CYREN: variants seen among roughly 807,000 people sequenced by gnomAD.
CYREN encodes the protein cell cycle regulator of NHEJ.
CYREN carries 7 observed loss-of-function variants against 9.7 expected under a neutral mutation model. The observed-to-expected ratio is 0.72, with a 90% CI of 0.41 to 1.36. The LOEUF (loss-of-function observed/expected upper bound fraction) is 1.36. Among genes scored for constraint, CYREN ranks in the 40% most tolerant of loss-of-function variants. The pLI, the probability that CYREN is intolerant of heterozygous loss-of-function variation, is 0.01. For missense variants in CYREN, 215 were observed against 198.1 expected (o/e 1.09, Z -0.51); for synonymous variants, 76 against 77.9 (o/e 0.98, Z 0.13).
intron 2 of CYREN, among the ~76,000 whole-genome samples, chr7:135,146,886 T>C (rs75952361): frequency 0.05 from 7,668 of 152,294 alleles, 261 homozygotes; most frequent in Non-Finnish European, 0.08. Context: ...GAAAACTAGG[T>C]ACATGATAAC....
At chr7:135,157,697 T>C (rs1298859708) in intron 2 of CYREN, among the ~76,000 whole-genome samples, 1 of 152,250 alleles carries the variant, frequency 6.6e-6, no homozygotes, top group East Asian at 1.9e-4. Context: ...ATGTTGGTGT[T>C]GCTGGAAGCT....
intron 2 of CYREN, among the ~76,000 whole-genome samples, chr7:135,153,330 T>C (rs1829707747): frequency 6.6e-6 from 1 of 151,954 alleles, no homozygotes; most frequent in Non-Finnish European, 1.5e-5. Context: ...GTCACGCACC[T>C]GTAGTCCTAG....
chr7:135,161,408 C>T (rs1053166290), downstream of CYREN, among the ~76,000 whole-genome samples: 1 of 152,150 alleles, frequency 6.6e-6, no homozygotes, highest in African/African-American at 2.4e-5. The surrounding 1 kb of genome is among the most constrained non-coding windows in gnomAD (Gnocchi z 4.1). Context: ...ACAAAGGCAT[C>T]CCCAAGTCCC....
intron 2 of CYREN, among the ~76,000 whole-genome samples, chr7:135,144,181 C>T (rs1829501627): frequency 6.6e-6 from 1 of 152,174 alleles, no homozygotes; most frequent in Non-Finnish European, 1.5e-5. Context: ...TTTTCTCCAG[C>T]TACTTCATAG....
chr7:135,118,480 T>C (rs1248555664), intron 2 of CYREN, among the ~76,000 whole-genome samples: 1 of 152,158 alleles, frequency 6.6e-6, no homozygotes, highest in Non-Finnish European at 1.5e-5. Context: ...GAACCTGGAC[T>C]TCCACTTCCA....
chr7:135,125,954 G>A (rs1827813759), intron 2 of CYREN, among the ~76,000 whole-genome samples: 1 of 152,060 alleles, frequency 6.6e-6, no homozygotes, highest in Non-Finnish European at 1.5e-5. Flanking sequence ...ATAGGCAAAA[G>A]CTGGACACAT....
chr7:135,128,291 CAAAAAAAAAAAAA>C (rs61217008), intron 2 of CYREN, among the ~76,000 whole-genome samples: 4 of 58,070 alleles, frequency 6.9e-5, no homozygotes, highest in South Asian at 2.3e-3. Flanking sequence ...GACTCCATCT[CAAAAAAAAAAAAA>C]AAAAAAAAAA....
intron 2 of CYREN, among the ~76,000 whole-genome samples, chr7:135,148,795 G>C (rs1829604461): frequency 6.6e-6 from 1 of 152,170 alleles, no homozygotes; most frequent in South Asian, 2.1e-4. Flanking sequence ...GAGATGTTTA[G>C]ATCTTATGTT....
intron 2 of CYREN, chr7:135,101,023 C>A: frequency 2.7e-6 from 1 of 366,018 alleles, no homozygotes; most frequent in Non-Finnish European, 5.4e-6. Context: ...TATTACATTA[C>A]TCTTACATGA....
downstream of CYREN, chr7:135,164,838 C>A: frequency 6.2e-7 from 1 of 1,613,998 alleles, no homozygotes; most frequent in African/African-American, 1.3e-5. Context: ...CGGCCTGGGC[C>A]TCTTCCTCTC....
rs1378690381 is a variant in CYREN at position 135,167,440 on chromosome 7, A to T, written c.213+292T>A. On this transcript the variant is annotated intron_variant, in intron 3 of 3. Transcript: ENST00000393114. ...AAGAACACAAACAGGTAAACGCTTC[A>T]TGTCCCATCCACATACACACCAGTG... is the stretch of plus-strand genomic sequence containing the variant. The T allele has an allele frequency of 4.8e-6, 6 of 1,250,052 alleles. No homozygotes were observed. In the East Asian group the frequency reaches 2.2e-4, roughly 45 times the overall value. 77.4% of individuals were successfully genotyped at this position (1,250,052 alleles called of 1,614,324 possible).
At chr7:135,168,058 G>A (rs1562931774) in intron 2 of CYREN, 3 of 557,676 alleles carry the variant, frequency 5.4e-6, no homozygotes. Context: ...CAAGGATCTG[G>A]AAGTAGGGAA....
intron 2 of CYREN, among the ~76,000 whole-genome samples, chr7:135,157,410 C>T (rs778889633): frequency 5.9e-5 from 9 of 152,226 alleles, no homozygotes; most frequent in Non-Finnish European, 8.8e-5. Flanking sequence ...AGAAGTTTAG[C>T]TGGGACTTGG....
At chr7:135,152,571 C>CTAA (rs1829690467) in intron 2 of CYREN, among the ~76,000 whole-genome samples, 1 of 152,218 alleles carries the variant, frequency 6.6e-6, no homozygotes, top group African/African-American at 2.4e-5. Context: ...AAGTGCTTAG[C>CTAA]ACAGGGCCTG....
intron 2 of CYREN, among the ~76,000 whole-genome samples, chr7:135,159,876 C>T (rs1428818314): frequency 1.3e-5 from 2 of 152,290 alleles, no homozygotes; most frequent in East Asian, 3.9e-4. Flanking sequence ...ATAAAAGACT[C>T]AAGAATATGC....
chr7:135,128,466 A>T (rs1375714683), intron 2 of CYREN: 1 of 748,218 alleles, frequency 1.3e-6, no homozygotes, highest in Non-Finnish European at 2.5e-6. Flanking sequence ...AAGAAGCTCA[A>T]GAGGATGAAT....
At chr7:135,130,514 C>T (rs1301089042) in intron 2 of CYREN, among the ~76,000 whole-genome samples, 1 of 151,538 alleles carries the variant, frequency 6.6e-6, no homozygotes, top group African/African-American at 2.4e-5. Flanking sequence ...TTTGCCCTAC[C>T]TTCTGTTTGT....
At chr7:135,152,778 G>A (rs2348288) in intron 2 of CYREN, 73,795 of 152,052 alleles carry the variant, frequency 0.49, 18,272 homozygotes, top group South Asian at 0.65. Context: ...TGGCTTACCT[G>A]TTTTTTCTTT....
In CYREN at chr7:135,166,687, G is replaced by A; in HGVS notation, c.398C>T (p.Ser133Phe). 6.2e-7 allele frequency: 1 copy of A among 1,612,180 alleles called. No homozygotes were observed. Among genetic ancestry groups the A allele is most frequent in the East Asian group, 2.2e-5 (1 of 44,882 alleles). ...SPSQRPGGSSSACSRSPEEEE... is the reference protein window; with the variant it reads ...SPSQRPGGSSFACSRSPEEEE... ...CTCCTCAGGGCTCCTGCTACAGGCAGAGCTGGAACCCCCCGGCCTCTGGGA... is the reference window on the plus strand; with the variant it reads ...CTCCTCAGGGCTCCTGCTACAGGCAAAGCTGGAACCCCCCGGCCTCTGGGA... The change falls in exon 4 of 4, where the codon TCT (serine) becomes TTT (phenylalanine). Residue 133 changes from serine (S) to phenylalanine (F), a missense_variant. Coordinates refer to ENST00000393114, the MANE Select transcript of CYREN (RefSeq NM_024033.4).
Sources: allele counts gnomAD v4.1 joint callset (sites outside exome capture counted in the v4.1 genomes callset), GRCh38; gene constraint gnomAD v4.1.1; non-coding constraint Gnocchi (gnomAD v3.1); transcripts MANE v1.5; gene names NCBI Gene and HGNC (gene_info 2026-07-23, HGNC 2026-07-21).